P2RY8: variants seen among roughly 807,000 people sequenced by gnomAD.
P2RY8 encodes the protein P2Y receptor family member 8.
A neutral mutation model predicts 10.0 loss-of-function variants in P2RY8; 6 were observed. The observed-to-expected ratio is 0.60, with a 90% CI of 0.33 to 1.19. P2RY8 has a LOEUF of 1.19. P2RY8 is among the 50% of genes most tolerant of loss of function. The pLI, the probability that P2RY8 is intolerant of heterozygous loss-of-function variation, is 0.04. For synonymous variants in P2RY8, 276 were observed against 252.5 expected (o/e 1.09, Z -0.88); for missense variants, 456 against 542.0 (o/e 0.84, Z 1.58).
Position 1,467,529 on chromosome X carries a change from C to T in P2RY8, c.-24-947G>A, listed in dbSNP as rs568698351. 3.3e-5 allele frequency among the ~76,000 whole-genome samples: 5 copies of T among 152,310 alleles called. 1 individual carries two copies. Among genetic ancestry groups the T allele is most frequent in the African/African-American group, 1.2e-4 (5 of 41,566 alleles). Reference sequence around the variant, plus strand: ...CAGACCCTTCCTTCTTTGGGTTCCGCTTGGTGTGGCCGTGGGGGACGTCTG... The same window carrying T: ...CAGACCCTTCCTTCTTTGGGTTCCGTTTGGTGTGGCCGTGGGGGACGTCTG... On this transcript the variant is annotated intron_variant, in intron 1 of 1. Coordinates refer to ENST00000381297, the MANE Select transcript of P2RY8 (RefSeq NM_178129.5).
chrX:1,494,829 A>T (rs2092100821), intron 1 of P2RY8, among the ~76,000 whole-genome samples: 1 of 151,108 alleles, frequency 6.6e-6, no homozygotes, highest in Non-Finnish European at 1.5e-5. Flanking sequence ...CAGCCTCCCA[A>T]GTAGCTGGGA....
chrX:1,481,091 G>A (rs1221516886), intron 1 of P2RY8, among the ~76,000 whole-genome samples: 7 of 151,832 alleles, frequency 4.6e-5, no homozygotes, highest in East Asian at 1.9e-4. Context: ...ATGAAGTACC[G>A]GAACTCTCAT....
At chrX:1,534,709 A>G (rs2092511726) in intron 1 of P2RY8, among the ~76,000 whole-genome samples, 1 of 152,062 alleles carries the variant, frequency 6.6e-6, no homozygotes, top group African/African-American at 2.4e-5. Flanking sequence ...CTCAGACGAG[A>G]GGGGGCCATC....
At chrX:1,511,821 G>T (rs1271406600) in intron 1 of P2RY8, among the ~76,000 whole-genome samples, 1 of 152,208 alleles carries the variant, frequency 6.6e-6, no homozygotes, top group Non-Finnish European at 1.5e-5. Flanking sequence ...TGTTGTCTGA[G>T]AGTTCTTCCT....
chrX:1,526,254 T>C (rs181679998), intron 1 of P2RY8, among the ~76,000 whole-genome samples: 141 of 150,720 alleles, frequency 9.4e-4, no homozygotes, highest in African/African-American at 3.0e-3. Flanking sequence ...CCACTATTCA[T>C]TCACCCATTC....
At chrX:1,494,028 C>G (rs2092093522) in intron 1 of P2RY8, 1 of 152,400 alleles carries the variant, frequency 6.6e-6, no homozygotes, top group South Asian at 2.1e-4. Flanking sequence ...ATATGCCCTG[C>G]TAGCTGGGGT....
In P2RY8 at chrX:1,465,428, C is replaced by A. The variant is rs369726338; in HGVS notation, c.*51G>T. 9 of 1,550,586 alleles carry A rather than the reference C, an allele frequency of 5.8e-6. No individual in the cohort carries two copies. In the South Asian group the frequency reaches 8.6e-5, roughly 15 times the overall value. On this transcript the variant is annotated 3_prime_UTR_variant, in exon 2 of 2. Transcript: ENST00000381297. ...CTGGCACCGTGGCCTCTCCATGCGC[C>A]CCTGGATCTCCAAGCTGCGCCCCCG...
chrX:1,469,677 G>A (rs1216866629), intron 1 of P2RY8, among the ~76,000 whole-genome samples: 5 of 151,536 alleles, frequency 3.3e-5, no homozygotes, highest in Non-Finnish European at 7.4e-5. Flanking sequence ...AGATCACGAG[G>A]TCAGGAGATC....
intron 1 of P2RY8, among the ~76,000 whole-genome samples, chrX:1,506,841 C>T (rs2092238567): frequency 6.6e-6 from 1 of 152,028 alleles, no homozygotes; most frequent in South Asian, 2.1e-4. Flanking sequence ...CCACGCCCGG[C>T]TAATTTTTGT....
chrX:1,521,015 C>T (rs2092386282), intron 1 of P2RY8, among the ~76,000 whole-genome samples: 1 of 148,302 alleles, frequency 6.7e-6, no homozygotes, highest in South Asian at 2.1e-4. Context: ...TCCCCAATAT[C>T]CTCTCTGATT....
chrX:1,532,361 A>G lies in P2RY8; in HGVS notation c.-25+4560T>C, dbSNP rs188968620. The stretch of plus-strand genomic sequence containing the variant: ...ATATATGTATATGATGTGTATATAT[A>G]CACATATACGTATATGATGTGTGTA... On this transcript the variant is annotated intron_variant, in intron 1 of 1. Transcript: ENST00000381297. Among the ~76,000 whole-genome samples the G allele has an allele frequency of 1.1e-3, 169 of 150,198 alleles. 6 individuals carry two copies. Among genetic ancestry groups the G allele is most frequent in the Admixed American group, 8.5e-3 (128 of 15,028 alleles).
At chrX:1,474,333 G>A (rs1324403942) in intron 1 of P2RY8, among the ~76,000 whole-genome samples, 3 of 138,428 alleles carry the variant, frequency 2.2e-5, no homozygotes, top group African/African-American at 5.0e-5. Flanking sequence ...ATGAATAGGT[G>A]TATGGGTGTG....
intron 1 of P2RY8, among the ~76,000 whole-genome samples, 164 bp from the exon 2 acceptor site, chrX:1,466,746 C>G (rs1382953426): frequency 7.5e-6 from 1 of 133,832 alleles, no homozygotes; most frequent in Non-Finnish European, 1.6e-5. Flanking sequence ...CTCCTTCCCT[C>G]TCCTCCTTCC....
intron 1 of P2RY8, among the ~76,000 whole-genome samples, chrX:1,516,055 G>C (rs777480614): frequency 6.6e-6 from 1 of 151,350 alleles, no homozygotes; most frequent in Non-Finnish European, 1.5e-5. Flanking sequence ...AAATTAGCCA[G>C]GCGCGGTGGC....
chrX:1,507,349 T>TA (rs2092243901), intron 1 of P2RY8, among the ~76,000 whole-genome samples: 1 of 151,996 alleles, frequency 6.6e-6, no homozygotes, highest in South Asian at 2.1e-4. Flanking sequence ...CTTGAACACC[T>TA]GTCAGTCAGC....
At chrX:1,489,261 A>C (rs760376842) in intron 1 of P2RY8, among the ~76,000 whole-genome samples, 9 of 152,144 alleles carry the variant, frequency 5.9e-5, no homozygotes, top group Admixed American at 3.3e-4. Context: ...GAGGGAATGA[A>C]TGACTGACAC....
chrX:1,490,253 A>C lies in P2RY8; in HGVS notation c.-24-23671T>G, dbSNP rs1472215371. Among the ~76,000 whole-genome samples, 3 of 108,628 alleles carry C rather than the reference A, an allele frequency of 2.8e-5. No individual in the cohort carries two copies. The East Asian group carries it at 8.5e-4, about 31-fold the overall frequency. 71.3% of individuals were successfully genotyped at this position (108,628 alleles called of 152,430 possible). A position where few individuals can be genotyped will look rare whatever the true frequency, so the allele number is the denominator to read the frequency against. The stretch of plus-strand genomic sequence containing the variant: ...AATGATACCCAGATATTCCCCACAA[A>C]TGTGGGGGGAATGAATGAATGACAT... On this transcript the variant is annotated intron_variant, in intron 1 of 1. Coordinates refer to ENST00000381297, the MANE Select transcript of P2RY8 (RefSeq NM_178129.5).
At chrX:1,516,875 G>A (rs1352300776) in intron 1 of P2RY8, among the ~76,000 whole-genome samples, 7 of 146,584 alleles carry the variant, frequency 4.8e-5, no homozygotes, top group Non-Finnish European at 9.1e-5. Flanking sequence ...CTGCCCGTTC[G>A]CTGATCTCAG....
chrX:1,475,157 T>G (rs67426974), intron 1 of P2RY8, among the ~76,000 whole-genome samples: 78,792 of 145,968 alleles, frequency 0.54, 21,246 homozygotes, highest in South Asian at 0.65. Context: ...GTGGCTGGAT[T>G]TATGGGTGGA....
Sources: allele counts gnomAD v4.1 joint callset (sites outside exome capture counted in the v4.1 genomes callset), GRCh38; gene constraint gnomAD v4.1.1; transcripts MANE v1.5; gene names NCBI Gene and HGNC (gene_info 2026-07-23, HGNC 2026-07-21).